Variants in PROX1 observed in about 807,000 individuals in gnomAD.
PROX1 encodes prospero homeobox protein 1.
A neutral mutation model predicts 58.8 loss-of-function variants in PROX1; 7 were observed. The ratio of observed to expected loss-of-function variants is 0.12; its 90% CI spans 0.07 to 0.22. The LOEUF (loss-of-function observed/expected upper bound fraction) is 0.22. PROX1 is among the 10% of genes least tolerant of loss of function. The pLI is 1.00. For missense variants in PROX1, 675 were observed against 927.8 expected, an observed-to-expected ratio of 0.73 and a Z score of 3.54; for synonymous variants, 350 against 358.3, an observed-to-expected ratio of 0.98 and a Z score of 0.26.
chr1:214,024,168 G>A (rs746460145), intron 4 of PROX1, among the ~76,000 whole-genome samples: 3 of 152,258 alleles, frequency 2.0e-5, no homozygotes, highest in Admixed American at 2.0e-4. Context: ...AAAAGCCCCC[G>A]AGTTCATTCT....
intron 4 of PROX1, among the ~76,000 whole-genome samples, chr1:214,012,810 C>T (rs1263655355): frequency 6.6e-6 from 1 of 152,180 alleles, no homozygotes; most frequent in Non-Finnish European, 1.5e-5. Flanking sequence ...TTGCTTTCTT[C>T]TTGTAGATAG....
At chr1:214,000,334 C>G (rs909296997) in intron 2 of PROX1, among the ~76,000 whole-genome samples, 10 of 152,136 alleles carry the variant, frequency 6.6e-5, no homozygotes, top group Admixed American at 1.3e-4. Context: ...CTCCAAATCC[C>G]CGGAGGAATT....
At position 213,997,302 on chromosome 1, in the gene PROX1, A is replaced by C. The variant is rs1313541445; in HGVS notation, c.767A>C (p.Lys256Thr). ...MQKQLRQLQE[K>T]FYQIYDSTDS... ...AAACAGCTGCGCCAGCTGCAGGAAA[A>C]GTTCTACCAAATCTATGACAGCACT... The change falls in exon 2 of 5, where the codon AAG becomes ACG. Residue 256 changes from lysine to threonine, a missense_variant. Coordinates refer to ENST00000366958, the MANE Select transcript of PROX1 (RefSeq NM_001270616.2). This position sits in a 1 kb window ranked among gnomAD's most constrained non-coding sequence, Gnocchi z 7.1. The C allele has an allele frequency of 1.2e-6, 2 of 1,614,004 alleles. No homozygotes were observed. Among genetic ancestry groups the C allele is most frequent in the Non-Finnish European group, 1.7e-6 (2 of 1,180,036 alleles).
Position 213,996,987 on chromosome 1 carries a change from A to G in PROX1, c.452A>G (p.Gln151Arg). 1 of 1,614,092 alleles carries G rather than the reference A, an allele frequency of 6.2e-7. No homozygotes were observed. The highest frequency in any genetic ancestry group is 8.5e-7 in the Non-Finnish European group (1 of 1,180,032). Residue 151 changes from glutamine (Q) to arginine (R), a missense_variant, in exon 2 of 5, where the codon CAG becomes CGG. Gln to Arg is a conservative substitution (Grantham distance 43). Around this residue, in one of 8 missense-constraint regions of PROX1, gnomAD observed 157 missense variants for 197.8 expected, o/e 0.79. Coordinates refer to ENST00000366958, the MANE Select transcript of PROX1 (RefSeq NM_001270616.2). ...CCTTTTGGCAGGCCTACTATGAGCCAGTTTGATATGGATCGCTTATGTGAT... is the reference window on the plus strand; with the variant it reads ...CCTTTTGGCAGGCCTACTATGAGCCGGTTTGATATGGATCGCTTATGTGAT... The part of the protein sequence containing the change: ...LSPFGRPTMS[Q>R]FDMDRLCDEH...
Position 213,997,421 on chromosome 1 carries a change from G to A in PROX1, c.886G>A (p.Asp296Asn). ...GGCCCAGGACTCTGTCGGAAGGTCA[G>A]ATAATGAGATGTGCGAGCTAGACCC... ...ARAQDSVGRSDNEMCELDPGQ... is the reference protein window; with the variant it reads ...ARAQDSVGRSNNEMCELDPGQ... Residue 296 changes from aspartate (D) to asparagine (N), a missense_variant, in exon 2 of 5, where the codon GAT (aspartate) becomes AAT (asparagine). By Grantham distance (23) the Asp-to-Asn change is conservative. Coordinates refer to ENST00000366958, the MANE Select transcript of PROX1 (RefSeq NM_001270616.2). The surrounding 1 kb of genome is among the most constrained non-coding windows in gnomAD (Gnocchi z 7.1). 1 of 1,614,126 alleles carries A rather than the reference G, an allele frequency of 6.2e-7. No individual in the cohort carries two copies. Among genetic ancestry groups the A allele is most frequent in the Middle Eastern group, 1.6e-4 (1 of 6,062 alleles).
chr1:213,996,486 G>T lies in PROX1; in HGVS notation c.-50G>T. ...TTGGCCAGGGTCCCGGGATTCTTGA[G>T]CTGTGCCCAGCTGACGAGCTTTTGA... On this transcript the variant is annotated 5_prime_UTR_variant, in exon 2 of 5. Transcript: ENST00000366958. 1 of 1,553,746 alleles carries T rather than the reference G, an allele frequency of 6.4e-7. No individual in the cohort carries two copies. Among genetic ancestry groups the T allele is most frequent in the Non-Finnish European group, 8.7e-7 (1 of 1,148,698 alleles).
chr1:213,997,608 C>T lies in PROX1; in HGVS notation c.1073C>T (p.Thr358Ile), dbSNP rs1376654733. ...LAETLKQELN[T>I]AMSQVVDTVV... ...GAGACCTTGAAACAGGAACTGAACA[C>T]TGCCATGTCGCAAGTTGTGGACACT... Residue 358 changes from threonine to isoleucine, a missense_variant, in exon 2 of 5, where the codon ACT becomes ATT. By Grantham distance (89) the Thr-to-Ile change is moderately conservative. Around this residue, in one of 8 missense-constraint regions of PROX1, gnomAD observed 403 missense variants for 477.4 expected, o/e 0.84. Coordinates refer to ENST00000366958, the MANE Select transcript of PROX1 (RefSeq NM_001270616.2). This position sits in a 1 kb window ranked among gnomAD's most constrained non-coding sequence, Gnocchi z 7.1. The T allele has an allele frequency of 6.2e-7, 1 of 1,614,106 alleles. No individual in the cohort carries two copies. Among genetic ancestry groups the T allele is most frequent in the African/African-American group, 1.3e-5 (1 of 74,934 alleles).
At chr1:213,995,998 C>T (rs750917940) in intron 1 of PROX1, among the ~76,000 whole-genome samples, 1 of 152,076 alleles carries the variant, frequency 6.6e-6, no homozygotes, top group South Asian at 2.1e-4. Flanking sequence ...CCTTTAATAG[C>T]GTTAAAACCA....
intron 4 of PROX1, among the ~76,000 whole-genome samples, chr1:214,024,186 G>T (rs1664375958): frequency 6.6e-6 from 1 of 152,162 alleles, no homozygotes; most frequent in Non-Finnish European, 1.5e-5. Context: ...TCTGCAATCT[G>T]CCTGTCTTTG....
intron 3 of PROX1, 26 bp from the exon 4 acceptor site, chr1:214,011,495 T>A: frequency 6.3e-7 from 1 of 1,581,896 alleles, no homozygotes; most frequent in Admixed American, 1.7e-5. Context: ...AATGTTCTTA[T>A]CCTTTTCAAC....
At chr1:214,002,035 G>A (rs942632719) in intron 2 of PROX1, among the ~76,000 whole-genome samples, 4 of 152,110 alleles carry the variant, frequency 2.6e-5, no homozygotes, top group African/African-American at 7.2e-5. Context: ...AGGGAATAAG[G>A]CAGAACTAAA....
In PROX1 at chr1:214,035,807, C is replaced by A; in HGVS notation, c.2187C>A (p.Asn729Lys). The A allele has an allele frequency of 6.2e-7, 1 of 1,613,768 alleles. No homozygotes were observed. Residue 729 changes from asparagine (N) to lysine (K), a missense_variant, in exon 5 of 5, where the codon AAC (asparagine) becomes AAA (lysine). This residue lies in a region of PROX1 where 16 missense variants were observed against 21.0 expected (regional missense o/e 0.76). Coordinates refer to ENST00000366958, the MANE Select transcript of PROX1 (RefSeq NM_001270616.2). Reference sequence around the variant, plus strand: ...TCCCTGAGATTTTCAAATCCCCGAACTGCCTACAAGAGCTGCTTCATGAGT... The same window carrying A: ...TCCCTGAGATTTTCAAATCCCCGAAATGCCTACAAGAGCTGCTTCATGAGT... ...SEVPEIFKSP[N>K]CLQELLHE
chr1:214,031,252 T>C (rs1664647284), intron 4 of PROX1, among the ~76,000 whole-genome samples: 1 of 152,150 alleles, frequency 6.6e-6, no homozygotes, highest in African/African-American at 2.4e-5. Flanking sequence ...AATTTATGCA[T>C]ATCTTCAAGT....
At chr1:214,009,717 C>G (rs1157944034) in intron 3 of PROX1, among the ~76,000 whole-genome samples, 1 of 152,042 alleles carries the variant, frequency 6.6e-6, no homozygotes, top group Non-Finnish European at 1.5e-5. Flanking sequence ...TTAGGTCATT[C>G]GTGACCATTC....
intron 1 of PROX1, among the ~76,000 whole-genome samples, chr1:213,991,066 A>T (rs940481274): frequency 2.6e-5 from 4 of 152,234 alleles, no homozygotes; most frequent in East Asian, 1.9e-4. Context: ...CCAAAATGAA[A>T]TTTTTTGTGT....
At chr1:213,986,871 C>A (rs1488109534), upstream of PROX1, among the ~76,000 whole-genome samples, 2 of 152,124 alleles carry the variant, frequency 1.3e-5, no homozygotes, top group Non-Finnish European at 2.9e-5. Flanking sequence ...TCTTTAAGAG[C>A]CACATTATCT....
intron 2 of PROX1, among the ~76,000 whole-genome samples, chr1:214,002,570 C>T (rs141331791): frequency 2.0e-5 from 3 of 152,134 alleles, no homozygotes; most frequent in Non-Finnish European, 2.9e-5. Flanking sequence ...ATCTTGTTTG[C>T]GTTCCATCCC....
At chr1:214,009,167 T>C (rs1663821456) in intron 3 of PROX1, among the ~76,000 whole-genome samples, 1 of 152,198 alleles carries the variant, frequency 6.6e-6, no homozygotes, top group African/African-American at 2.4e-5. Flanking sequence ...TCAGATTGAT[T>C]TGTTTTATAC....
At chr1:214,028,193 G>A (rs925307896) in intron 4 of PROX1, among the ~76,000 whole-genome samples, 3 of 152,082 alleles carry the variant, frequency 2.0e-5, no homozygotes, top group Admixed American at 6.5e-5. Context: ...GCAGGCACCC[G>A]AAAGCAACTT....
Sources: gnomAD v4.1 joint callset for allele counts (sites outside exome capture counted in the v4.1 genomes callset) on GRCh38, gnomAD v4.1.1 for gene constraint, gnomAD v4.1.1 regional missense constraint, Gnocchi (gnomAD v3.1) non-coding constraint, MANE v1.5 for transcripts, NCBI Gene and HGNC (gene_info 2026-07-23, HGNC 2026-07-21) for gene names.